ZC3H12D: variants seen among roughly 807,000 people sequenced by gnomAD.
ZC3H12D encodes zinc finger CCCH-type containing 12D.
Under a neutral mutation model 24.2 loss-of-function variants are expected in ZC3H12D, and 11 were observed. That is an observed-to-expected ratio of 0.46 (90% CI 0.29 to 0.75). The LOEUF is 0.75. Among genes scored for constraint, ZC3H12D ranks in the 30% least tolerant of loss-of-function variants. The probability of loss-of-function intolerance (pLI) is 0.11; values close to 1 mark genes in which losing one functional copy is unlikely to be tolerated. For missense variants in ZC3H12D, 740 were observed against 767.7 expected (o/e 0.96, Z 0.43); for synonymous variants, 333 against 341.8 (o/e 0.97, Z 0.28).
At chr6:149,461,607 C>G in intron 3 of ZC3H12D, 1 of 346,582 alleles carries the variant, frequency 2.9e-6, no homozygotes, top group South Asian at 6.7e-5. Context: ...TATTGAACGC[C>G]TAATTTTGAA....
At chr6:149,483,289 G>C (rs905338678) in intron 1 of ZC3H12D, 9 of 152,036 alleles carry the variant, frequency 5.9e-5, no homozygotes, top group Non-Finnish European at 8.8e-5. Flanking sequence ...TTTTTTTTAA[G>C]GGAATTTGTA....
chr6:149,473,402 C>T (rs768840771), intron 2 of ZC3H12D, among the ~76,000 whole-genome samples: 24 of 152,200 alleles, frequency 1.6e-4, no homozygotes, highest in Non-Finnish European at 2.6e-4. Context: ...GAACCATTTC[C>T]TATGGCTCTG....
chr6:149,470,449 C>A (rs1475216595), intron 2 of ZC3H12D, among the ~76,000 whole-genome samples: 4 of 151,750 alleles, frequency 2.6e-5, no homozygotes, highest in African/African-American at 9.7e-5. Context: ...GCAGGAGAAT[C>A]AACTGAACCC....
At chr6:149,470,743 C>T (rs1776230888) in intron 2 of ZC3H12D, among the ~76,000 whole-genome samples, 1 of 152,144 alleles carries the variant, frequency 6.6e-6, no homozygotes, top group African/African-American at 2.4e-5. Flanking sequence ...CAATCTACAG[C>T]CACTTGCCAC....
chr6:149,451,994 A>C (rs1280813903), intron 5 of ZC3H12D: 1 of 153,184 alleles, frequency 6.5e-6, no homozygotes, highest in Non-Finnish European at 1.5e-5. Context: ...GTCGTGAACA[A>C]ATGGTCAAGT....
chr6:149,463,757 C>T (rs1326283070), intron 2 of ZC3H12D, among the ~76,000 whole-genome samples: 1 of 152,074 alleles, frequency 6.6e-6, no homozygotes, highest in African/African-American at 2.4e-5. Context: ...AGTAGGTGAA[C>T]TTGAGAGATA....
chr6:149,476,382 T>TA lies in ZC3H12D; in HGVS notation c.-70-1770dup, dbSNP rs1776340884. 2.0e-5 allele frequency among the ~76,000 whole-genome samples: 3 copies of TA among 152,198 alleles called. No individual in the cohort carries two copies. The South Asian group carries it at 6.2e-4, about 32-fold the overall frequency. ...TAGCCAGGCATGTGGCATGCACCTG[T>TA]AATCTCAGCTACTTGGGAGGCTGAG... On this transcript the variant is annotated intron_variant, in intron 1 of 5. Coordinates refer to ENST00000409806, the MANE Select transcript of ZC3H12D (RefSeq NM_207360.3).
At chr6:149,478,792 C>T (rs1776380893) in intron 1 of ZC3H12D, among the ~76,000 whole-genome samples, 1 of 152,176 alleles carries the variant, frequency 6.6e-6, no homozygotes, top group Non-Finnish European at 1.5e-5. Flanking sequence ...CCCCACCCAC[C>T]CCTCAGTCCT....
rs865786349 is a variant in ZC3H12D at position 149,456,670 on chromosome 6, C to G, written c.676G>C (p.Asp226His). 6.4e-7 allele frequency: 1 copy of G among 1,572,444 alleles called. No homozygotes were observed. Among genetic ancestry groups the G allele is most frequent in the Non-Finnish European group, 8.7e-7 (1 of 1,156,010 alleles). ...QRLLMFSFVN[D>H]RFMPPDDPLG... ...CAGGACCCCAGCCGGACCTACCGGT[C>G]GTTGACGAAGGAGAACATGAGCAGC... is the stretch of plus-strand genomic sequence containing the variant. Residue 226 changes from aspartate to histidine, a missense_variant, in exon 4 of 6, where the codon GAC becomes CAC. Asp to His is a moderately conservative substitution (Grantham distance 81). Coordinates refer to ENST00000409806, the MANE Select transcript of ZC3H12D (RefSeq NM_207360.3). The surrounding 1 kb of genome is among the most constrained non-coding windows in gnomAD (Gnocchi z 4.3).
intron 4 of ZC3H12D, among the ~76,000 whole-genome samples, chr6:149,453,319 C>G (rs932280324): frequency 1.3e-5 from 2 of 151,222 alleles, no homozygotes. Flanking sequence ...AAAATGACAG[C>G]CTCCGAGCTT....
chr6:149,456,622 C>CCCCCCCCCCCCCCCCCCGGTGGCCAG lies in ZC3H12D; in HGVS notation c.680+43_680+44insCTGGCCACCGGGGGGGGGGGGGGGGG. On this transcript the variant is annotated intron_variant, in intron 4 of 5. Coordinates refer to ENST00000409806, the MANE Select transcript of ZC3H12D (RefSeq NM_207360.3). This position sits in a 1 kb window ranked among gnomAD's most constrained non-coding sequence, Gnocchi z 4.3. ...GGCCACTGCCTCGACCCCGGCCCCCCGCCCCGCCGCCCCCCAGGGTGTCAG... is the reference window on the plus strand; with the variant it reads ...GGCCACTGCCTCGACCCCGGCCCCCCCCCCCCCCCCCCCCCCCGGTGGCCAGGCCCCGCCGCCCCCCAGGGTGTCAG... 7.6e-7 allele frequency: 1 copy of CCCCCCCCCCCCCCCCCCGGTGGCCAG among 1,314,360 alleles called. No homozygotes were observed. Among genetic ancestry groups the CCCCCCCCCCCCCCCCCCGGTGGCCAG allele is most frequent in the Non-Finnish European group, 1.1e-6 (1 of 921,308 alleles). The allele number at this position is 1,314,360 out of a possible 1,614,324, so 81.4% of individuals were successfully genotyped here. A position where few individuals can be genotyped will look rare whatever the true frequency, so the allele number is the denominator to read the frequency against.
chr6:149,466,725 A>C (rs1421355438), intron 2 of ZC3H12D, among the ~76,000 whole-genome samples: 1 of 151,996 alleles, frequency 6.6e-6, no homozygotes, highest in African/African-American at 2.4e-5. Flanking sequence ...AAAATACAAA[A>C]ATCAGCCAGG....
At chr6:149,483,450 C>A (rs1339316819) in intron 1 of ZC3H12D, among the ~76,000 whole-genome samples, 1 of 152,150 alleles carries the variant, frequency 6.6e-6, no homozygotes, top group Non-Finnish European at 1.5e-5. Flanking sequence ...CTCTTTTCAG[C>A]CTGCAAAACT....
intron 3 of ZC3H12D, among the ~76,000 whole-genome samples, chr6:149,460,553 G>A (rs1776054963): frequency 1.3e-5 from 2 of 152,120 alleles, no homozygotes; most frequent in Non-Finnish European, 2.9e-5. Context: ...AACTAGCTAG[G>A]GCAGGGTGCG....
chr6:149,474,641 G>A, intron 1 of ZC3H12D, 28 bp from the exon 2 acceptor site: 1 of 1,195,422 alleles, frequency 8.4e-7, no homozygotes, highest in South Asian at 2.4e-5. Context: ...GCATCCATCA[G>A]GTGTTTCCTG....
Position 149,451,332 on chromosome 6 carries a change from G to C in ZC3H12D, c.935C>G (p.Pro312Arg), listed in dbSNP as rs1281567592. 2.1e-6 allele frequency: 3 copies of C among 1,430,554 alleles called. No individual in the cohort carries two copies. Among genetic ancestry groups the C allele is most frequent in the Non-Finnish European group, 2.7e-6 (3 of 1,102,754 alleles). 88.6% of individuals were successfully genotyped at this position (1,430,554 alleles called of 1,614,324 possible). The change falls in exon 6 of 6, where the codon CCG becomes CGG. Residue 312 changes from proline (P) to arginine (R), a missense_variant. Pro to Arg is a moderately radical substitution (Grantham distance 103, BLOSUM62 -2). Coordinates refer to ENST00000409806, the MANE Select transcript of ZC3H12D (RefSeq NM_207360.3). ...GAEEQRPPRA[P>R]GGSAGARAAP... Reference sequence around the variant, plus strand: ...CGCCCGGGCTCCTGCGGAGCCGCCCGGGGCTCTCGGTGGCCGCTGCTCCTC... The same window carrying C: ...CGCCCGGGCTCCTGCGGAGCCGCCCCGGGCTCTCGGTGGCCGCTGCTCCTC...
intron 4 of ZC3H12D, among the ~76,000 whole-genome samples, chr6:149,454,806 T>C (rs1775954940): frequency 6.6e-6 from 1 of 152,228 alleles, no homozygotes; most frequent in Admixed American, 6.5e-5. Context: ...ACTAGCCAGA[T>C]TCCTCCAGGC....
Position 149,450,997 on chromosome 6 carries a change from C to T in ZC3H12D, c.1270G>A (p.Gly424Ser), listed in dbSNP as rs1260150348. 1 of 1,514,280 alleles carries T rather than the reference C, an allele frequency of 6.6e-7. No homozygotes were observed. Among genetic ancestry groups the T allele is most frequent in the South Asian group, 1.3e-5 (1 of 78,348 alleles). 93.8% of individuals were successfully genotyped at this position (1,514,280 alleles called of 1,614,324 possible). A position where few individuals can be genotyped will look rare whatever the true frequency, so the allele number is the denominator to read the frequency against. The change falls in exon 6 of 6, where the codon GGC (glycine) becomes AGC (serine). Residue 424 changes from glycine (G) to serine (S), a missense_variant. By Grantham distance (56) the Gly-to-Ser change is moderately conservative (BLOSUM62 0). Coordinates refer to ENST00000409806, the MANE Select transcript of ZC3H12D (RefSeq NM_207360.3). ...GGCCTGCGCGGGGAAAGCAAGTCGC[C>T]GTGCAGGTCCCTAGGGCGGTGTTCG... is the stretch of plus-strand genomic sequence containing the variant. ...RGEHRPRDLH[G>S]DLLSPRRPPD...
At chr6:149,469,635 G>A (rs992223041) in intron 2 of ZC3H12D, among the ~76,000 whole-genome samples, 3 of 152,158 alleles carry the variant, frequency 2.0e-5, no homozygotes, top group Non-Finnish European at 4.4e-5. Flanking sequence ...AATGACCCGA[G>A]CTGATGTCCC....
Sources: gnomAD v4.1 joint callset for allele counts (sites outside exome capture counted in the v4.1 genomes callset) on GRCh38, gnomAD v4.1.1 for gene constraint, Gnocchi (gnomAD v3.1) non-coding constraint, MANE v1.5 for transcripts, NCBI Gene and HGNC (gene_info 2026-07-23, HGNC 2026-07-21) for gene names.